The following ADAM2 variants were observed in gnomAD, a reference collection of about 807,000 sequenced individuals.
ADAM2 encodes ADAM metallopeptidase domain 2, also known as disintegrin and metalloproteinase domain-containing protein 2.
A neutral mutation model predicts 99.3 loss-of-function variants in ADAM2; 101 were observed. That is an observed-to-expected ratio of 1.02 (90% confidence interval 0.87 to 1.20). The LOEUF is 1.20. Ranked by LOEUF, ADAM2 falls within the 50% of genes most tolerant of loss-of-function variation. The pLI is 0.00. For missense variants in ADAM2, 948 were observed against 878.7 expected (o/e 1.08, Z -1.00); for synonymous variants, 323 against 287.6 (o/e 1.12, Z -1.25).
At chr8:39,834,070 C>T (rs1805722703) in intron 2 of ADAM2, 71 bp from the exon 3 acceptor site, 4 of 794,992 alleles carry the variant, frequency 5.0e-6, no homozygotes, top group African/African-American at 3.5e-5. Context: ...CATCATTTTA[C>T]ATTAATGATA....
At chr8:39,808,711 A>C (rs1804560000) in intron 7 of ADAM2, among the ~76,000 whole-genome samples, 1 of 152,074 alleles carries the variant, frequency 6.6e-6, no homozygotes, top group African/African-American at 2.4e-5. Flanking sequence ...AGGTAAAGAG[A>C]TCGAGACCAT....
At chr8:39,834,634 CGA>C (rs1805746042) in intron 2 of ADAM2, among the ~76,000 whole-genome samples, 1 of 145,340 alleles carries the variant, frequency 6.9e-6, no homozygotes, top group Non-Finnish European at 1.5e-5. Context: ...CTGGGGAGGC[CGA>C]GACAGGAGAA....
intron 11 of ADAM2, among the ~76,000 whole-genome samples, chr8:39,771,426 T>C (rs569378784): frequency 1.3e-5 from 2 of 152,328 alleles, no homozygotes; most frequent in African/African-American, 2.4e-5. Flanking sequence ...GAGTGCACTA[T>C]TGAAACCACT....
chr8:39,809,807 G>A lies in ADAM2; in HGVS notation c.514-341C>T, dbSNP rs187931214. 2.3e-3 allele frequency among the ~76,000 whole-genome samples: 347 copies of A among 152,120 alleles called. 1 individual carries two copies. The highest frequency in any genetic ancestry group is 7.9e-3 in the African/African-American group (329 of 41,504). ...GCACTAAACATGGAAAGGAAAAACCGGTACCAGCCACTGCAAAAACATGCC... is the reference window on the plus strand; with the variant it reads ...GCACTAAACATGGAAAGGAAAAACCAGTACCAGCCACTGCAAAAACATGCC... On this transcript the variant is annotated intron_variant, in intron 6 of 20. Transcript: ENST00000265708.
intron 1 of ADAM2, 126 bp from the exon 2 acceptor site, chr8:39,837,338 T>C (rs1483455649): frequency 3.3e-6 from 2 of 602,748 alleles, no homozygotes. Flanking sequence ...TATCTTCCCA[T>C]TTCTTTCTAA....
intron 2 of ADAM2, among the ~76,000 whole-genome samples, chr8:39,834,419 T>C (rs1366300406): frequency 1.3e-5 from 2 of 151,976 alleles, no homozygotes; most frequent in African/African-American, 4.8e-5. Flanking sequence ...CTATCAGTAC[T>C]ATGTTGAGAG....
intron 6 of ADAM2, among the ~76,000 whole-genome samples, chr8:39,820,100 G>T (rs965827635): frequency 5.9e-5 from 9 of 152,086 alleles, no homozygotes; most frequent in Non-Finnish European, 1.3e-4. Flanking sequence ...ACTTATGAAG[G>T]CAAGGGTCTT....
rs1416830349 is a variant in ADAM2, at chr8:39,837,155, T to A, written c.113A>T (p.Lys38Met). The A allele has an allele frequency of 7.5e-6, 12 of 1,605,438 alleles. No individual in the cohort carries two copies. In the Admixed American group the frequency reaches 1.7e-4, roughly 23 times the overall value. Residue 38 changes from lysine (K) to methionine (M), a missense_variant, in exon 2 of 21, where the codon AAG becomes ATG. By Grantham distance (95) the Lys-to-Met change is moderately conservative. Transcript: ENST00000265708. ...TVPEKIRSIIKEGIESQASYK... is the reference protein window; with the variant it reads ...TVPEKIRSIIMEGIESQASYK... ...CATTACCTGCGATTCAATTCCTTCC[T>A]TTATTATTGACCGTATTTTCTCCGG...
intron 17 of ADAM2, 83 bp downstream of exon 17, chr8:39,749,584 T>C (rs932127961): frequency 8.8e-6 from 11 of 1,255,512 alleles, no homozygotes; most frequent in Middle Eastern, 2.0e-4. Flanking sequence ...TGTGTGTGTG[T>C]GCGTGTGTGT....
At chr8:39,811,079 G>C (rs1360970661) in intron 6 of ADAM2, among the ~76,000 whole-genome samples, 1 of 152,018 alleles carries the variant, frequency 6.6e-6, no homozygotes, top group African/African-American at 2.4e-5. Context: ...GAATCAAAAA[G>C]ACACAATAAA....
intron 12 of ADAM2, 98 bp downstream of exon 12, chr8:39,769,294 T>A: frequency 1.1e-6 from 1 of 908,166 alleles, no homozygotes. Context: ...TGCAGAAAAT[T>A]TAGCTTGATG....
At chr8:39,804,757 T>C (rs780138880) in intron 7 of ADAM2, among the ~76,000 whole-genome samples, 26 of 152,296 alleles carry the variant, frequency 1.7e-4, no homozygotes, top group Admixed American at 1.2e-3. Context: ...AAAATAAGTA[T>C]GGTAAAGTTT....
At chr8:39,791,803 C>T (rs1349874401) in intron 7 of ADAM2, among the ~76,000 whole-genome samples, 1 of 151,932 alleles carries the variant, frequency 6.6e-6, no homozygotes, top group African/African-American at 2.4e-5. Context: ...CTCCTTGTTT[C>T]TTATCTTATA....
chr8:39,811,129 A>G (rs1379680150), intron 6 of ADAM2, among the ~76,000 whole-genome samples: 1 of 152,240 alleles, frequency 6.6e-6, no homozygotes, highest in Non-Finnish European at 1.5e-5. Context: ...CCACAGAAAT[A>G]CAAGCTACCA....
intron 14 of ADAM2, among the ~76,000 whole-genome samples, chr8:39,762,486 C>T (rs1802407418): frequency 6.6e-6 from 1 of 152,204 alleles, no homozygotes; most frequent in Admixed American, 6.5e-5. Context: ...TGTGATGATA[C>T]ATTTTATGTA....
chr8:39,747,495 GTC>G (rs1433048985), intron 18 of ADAM2, among the ~76,000 whole-genome samples: 5 of 152,088 alleles, frequency 3.3e-5, no homozygotes, highest in African/African-American at 1.2e-4. Context: ...AGAAGAAAGA[GTC>G]TCTAAGATAT....
At position 39,824,864 on chromosome 8, in the gene ADAM2, A is replaced by C; in HGVS notation, c.222T>G (p.Ser74Arg). ...NFLPHNFRVYSYSGTGIMKPL... is the reference protein window; with the variant it reads ...NFLPHNFRVYRYSGTGIMKPL... ...GTTTCATAATTCCTGTGCCACTATAACTGTAAACTCTAAAATTATGGGGTA... is the reference window on the plus strand; with the variant it reads ...GTTTCATAATTCCTGTGCCACTATACCTGTAAACTCTAAAATTATGGGGTA... The change falls in exon 4 of 21, where the codon AGT (serine) becomes AGG (arginine). Residue 74 changes from serine (S) to arginine (R), a missense_variant. Physicochemically the swap from Ser to Arg is moderately radical, Grantham distance 110. Coordinates refer to ENST00000265708, the MANE Select transcript of ADAM2 (RefSeq NM_001464.5). The C allele has an allele frequency of 6.4e-7, 1 of 1,567,878 alleles. No individual in the cohort carries two copies. The highest frequency in any genetic ancestry group is 8.7e-7 in the Non-Finnish European group (1 of 1,144,810).
chr8:39,834,211 CTTTA>C (rs1415324036), intron 2 of ADAM2, among the ~76,000 whole-genome samples: 2 of 151,968 alleles, frequency 1.3e-5, no homozygotes, highest in Admixed American at 6.5e-5. Context: ...AATATATATA[CTTTA>C]TTTGTTTATT....
chr8:39,773,255 A>T (rs1210377987), intron 11 of ADAM2, among the ~76,000 whole-genome samples: 4 of 151,886 alleles, frequency 2.6e-5, no homozygotes, highest in African/African-American at 9.7e-5. Flanking sequence ...AACACAAAGT[A>T]TCAAAAACGT....
Sources: allele counts gnomAD v4.1 joint callset (sites outside exome capture counted in the v4.1 genomes callset), GRCh38; gene constraint gnomAD v4.1.1; transcripts MANE v1.5; gene names NCBI Gene and HGNC (gene_info 2026-07-23, HGNC 2026-07-21).